Variants in LINGO2 observed in about 807,000 individuals in gnomAD.
LINGO2 encodes leucine rich repeat and Ig domain containing 2.
In LINGO2, 14 loss-of-function variants were observed where a neutral mutation model predicts 30.6. The observed-to-expected ratio is 0.46, with a 90% confidence interval of 0.30 to 0.72. The LOEUF (loss-of-function observed/expected upper bound fraction) is 0.72. LINGO2 is among the 30% of genes least tolerant of loss of function. The probability of loss-of-function intolerance (pLI) is 0.07; values close to 1 mark genes in which losing one functional copy is unlikely to be tolerated. For missense variants in LINGO2, 729 were observed against 751.7 expected (o/e 0.97, Z 0.35); for synonymous variants, 317 against 288.5 (o/e 1.10, Z -1.00).
chr9:28,823,404 A>C, the LINGO2 span, among the ~76,000 whole-genome samples: 2 of 152,198 alleles, frequency 1.3e-5, no homozygotes. Flanking sequence ...TCCGAAGATT[A>C]CCATAACGTA....
chr9:27,987,248 GC>G (rs2118984753), intron 5 of LINGO2, among the ~76,000 whole-genome samples: 1 of 151,838 alleles, frequency 6.6e-6, no homozygotes, highest in Non-Finnish European at 1.5e-5. Flanking sequence ...TTGCAATGTG[GC>G]TAAATATGTC....
At chr9:28,918,462 G>A in the LINGO2 span, among the ~76,000 whole-genome samples, 1 of 152,082 alleles carries the variant, frequency 6.6e-6, no homozygotes, top group Non-Finnish European at 1.5e-5. Flanking sequence ...AAAACTTCCA[G>A]GAAAGTCCTT....
At chr9:28,224,654 C>T (rs2133910048) in intron 4 of LINGO2, among the ~76,000 whole-genome samples, 1 of 152,218 alleles carries the variant, frequency 6.6e-6, no homozygotes, top group East Asian at 1.9e-4. Flanking sequence ...CTTTATCTTT[C>T]CTTCCCCATA....
At chr9:28,022,690 C>T (rs1297154592) in intron 4 of LINGO2, among the ~76,000 whole-genome samples, 1 of 151,560 alleles carries the variant, frequency 6.6e-6, no homozygotes, top group Non-Finnish European at 1.5e-5. Flanking sequence ...TGATATTTAT[C>T]CTGCTGGTGT....
intron 5 of LINGO2, among the ~76,000 whole-genome samples, chr9:27,975,857 A>T (rs1820568317): frequency 2.0e-5 from 3 of 152,142 alleles, no homozygotes; most frequent in South Asian, 4.2e-4. Flanking sequence ...TAAAAAGTAT[A>T]TATTTAATTT....
intron 1 of LINGO2, among the ~76,000 whole-genome samples, chr9:28,613,911 G>T (rs901831068): frequency 6.6e-6 from 1 of 151,776 alleles, no homozygotes; most frequent in African/African-American, 2.4e-5. Flanking sequence ...AAAAATGAAT[G>T]GATACCCAAC....
At chr9:28,517,738 T>C (rs1217484228) in intron 1 of LINGO2, among the ~76,000 whole-genome samples, 1 of 152,176 alleles carries the variant, frequency 6.6e-6, no homozygotes, top group Admixed American at 6.5e-5. Context: ...ACATTAGTAC[T>C]TCTCGGCACA....
At chr9:28,415,579 T>C (rs1822934257) in intron 2 of LINGO2, among the ~76,000 whole-genome samples, 1 of 152,178 alleles carries the variant, frequency 6.6e-6, no homozygotes, top group Non-Finnish European at 1.5e-5. Context: ...CTGAATGCAC[T>C]ACCATTTTCC....
At chr9:28,462,522 T>C (rs1034120789) in intron 2 of LINGO2, among the ~76,000 whole-genome samples, 4 of 149,960 alleles carry the variant, frequency 2.7e-5, no homozygotes, top group Admixed American at 1.3e-4. Context: ...AGACCACAAA[T>C]AGGGGGAAAA....
intron 4 of LINGO2, among the ~76,000 whole-genome samples, chr9:28,239,528 A>G (rs920057165): frequency 6.6e-5 from 10 of 152,164 alleles, no homozygotes; most frequent in African/African-American, 1.7e-4. Flanking sequence ...AGAATGAAGG[A>G]CAAAAACCAT....
At chr9:28,706,777 A>G in the LINGO2 span, among the ~76,000 whole-genome samples, 1 of 152,088 alleles carries the variant, frequency 6.6e-6, no homozygotes, top group Non-Finnish European at 1.5e-5. Context: ...CTCATCCACC[A>G]TATTTTGACT....
At chr9:28,623,070 C>T (rs1438598054) in intron 1 of LINGO2, among the ~76,000 whole-genome samples, 2 of 151,638 alleles carry the variant, frequency 1.3e-5, no homozygotes, top group Admixed American at 6.6e-5. Flanking sequence ...TGTTTTTGCT[C>T]CTTGTATATT....
At chr9:28,481,291 A>G (rs929826523) in intron 1 of LINGO2, among the ~76,000 whole-genome samples, 7 of 152,164 alleles carry the variant, frequency 4.6e-5, no homozygotes, top group African/African-American at 1.7e-4. Context: ...GTAATGAGAC[A>G]ATTGAAACAT....
intron 4 of LINGO2, among the ~76,000 whole-genome samples, chr9:28,192,651 A>G (rs1469043739): frequency 3.3e-5 from 5 of 152,150 alleles, no homozygotes; most frequent in Admixed American, 6.6e-5. Context: ...ATGTACTTTT[A>G]AATGGTAACA....
At chr9:28,578,597 G>A (rs1473246586) in intron 1 of LINGO2, among the ~76,000 whole-genome samples, 1 of 152,048 alleles carries the variant, frequency 6.6e-6, no homozygotes, top group Non-Finnish European at 1.5e-5. Flanking sequence ...TTTCCTTGCT[G>A]TTAAACAAGT....
At chr9:28,616,129 T>G (rs754176296) in intron 1 of LINGO2, among the ~76,000 whole-genome samples, 9 of 152,090 alleles carry the variant, frequency 5.9e-5, no homozygotes, top group Non-Finnish European at 1.3e-4. Flanking sequence ...CATTAATGAT[T>G]TGTGTACTTT....
the LINGO2 span, among the ~76,000 whole-genome samples, chr9:29,044,687 A>G: frequency 6.6e-6 from 1 of 152,162 alleles, no homozygotes; most frequent in African/African-American, 2.4e-5. Flanking sequence ...AAGTAACCTA[A>G]ATTTTTAAAT....
At chr9:28,185,783 A>C (rs1399454783) in intron 4 of LINGO2, among the ~76,000 whole-genome samples, 1 of 152,176 alleles carries the variant, frequency 6.6e-6, no homozygotes, top group Non-Finnish European at 1.5e-5. Context: ...ATTTTTAAAA[A>C]CGTATCTGAC....
chr9:28,640,775 C>G (rs1302516263), intron 1 of LINGO2, among the ~76,000 whole-genome samples: 1 of 152,032 alleles, frequency 6.6e-6, no homozygotes, highest in Non-Finnish European at 1.5e-5. Context: ...GTTCGAACTT[C>G]CTCCTTTAGC....
Sources: allele counts gnomAD v4.1 joint callset (sites outside exome capture counted in the v4.1 genomes callset), GRCh38; gene constraint gnomAD v4.1.1; transcripts MANE v1.5; gene names NCBI Gene and HGNC (gene_info 2026-07-23, HGNC 2026-07-21).